The following PHACTR1 variants were observed in gnomAD, a reference collection of about 807,000 sequenced individuals.
PHACTR1 encodes phosphatase and actin regulator 1, also known as RPEL repeat containing 1.
A neutral mutation model predicts 69.2 loss-of-function variants in PHACTR1; 16 were observed. The ratio of observed to expected loss-of-function variants is 0.23; its 90% confidence interval spans 0.16 to 0.35. PHACTR1 has a LOEUF of 0.35. Among genes scored for constraint, PHACTR1 ranks in the 10% least tolerant of loss-of-function variants. The pLI is 1.00. For synonymous variants in PHACTR1, 312 were observed against 284.5 expected, an observed-to-expected ratio of 1.10 and a Z score of -0.97; for missense variants, 510 against 734.7, an observed-to-expected ratio of 0.69 and a Z score of 3.54.
intron 4 of PHACTR1, among the ~76,000 whole-genome samples, chr6:12,905,175 C>T (rs1561997474): frequency 6.6e-6 from 1 of 152,082 alleles, no homozygotes; most frequent in Admixed American, 6.6e-5. Context: ...TAAAGTTTCT[C>T]CAGGGGATTC....
chr6:13,047,916 A>G (rs1235701209), intron 4 of PHACTR1, among the ~76,000 whole-genome samples: 7 of 152,124 alleles, frequency 4.6e-5, no homozygotes, highest in Non-Finnish European at 1.0e-4. Context: ...TGCATGCCCT[A>G]GGAGCCCACC....
intron 4 of PHACTR1, among the ~76,000 whole-genome samples, chr6:12,882,482 A>AAAG (rs542138829): frequency 3.2e-4 from 48 of 152,204 alleles, no homozygotes; most frequent in Non-Finnish European, 5.7e-4. Context: ...AATACAAAAA[A>AAAG]AAGAAGAAGA....
At chr6:12,883,630 T>G (rs1044202412) in intron 4 of PHACTR1, among the ~76,000 whole-genome samples, 1 of 152,032 alleles carries the variant, frequency 6.6e-6, no homozygotes, top group Non-Finnish European at 1.5e-5. Flanking sequence ...TCCTGAGTCC[T>G]GAGTCCTGAG....
intron 10 of PHACTR1, among the ~76,000 whole-genome samples, chr6:13,236,200 G>A (rs999396352): frequency 6.6e-6 from 1 of 152,018 alleles, no homozygotes; most frequent in African/African-American, 2.4e-5. Context: ...GAAGCTCTTG[G>A]AAGCCTGGTC....
chr6:13,181,909 ATAATTT>A (rs1186654316), intron 6 of PHACTR1, among the ~76,000 whole-genome samples: 1 of 152,214 alleles, frequency 6.6e-6, no homozygotes, highest in East Asian at 1.9e-4. Flanking sequence ...TGAGAAAAAA[ATAATTT>A]TAATTTACTT....
chr6:12,717,111 G>A (rs2086814226), intron 1 of PHACTR1, among the ~76,000 whole-genome samples: 1 of 152,042 alleles, frequency 6.6e-6, no homozygotes, highest in African/African-American at 2.4e-5. Context: ...CTAGATGCCG[G>A]TGGCTGTTCT....
At chr6:13,285,566 A>G (rs1337282731) in intron 13 of PHACTR1, among the ~76,000 whole-genome samples, 4 of 152,120 alleles carry the variant, frequency 2.6e-5, no homozygotes, top group Non-Finnish European at 5.9e-5. Flanking sequence ...TGGCAGTATT[A>G]TAAGGATGGG....
At chr6:12,943,137 A>ATGTTT (rs1790228527) in intron 4 of PHACTR1, among the ~76,000 whole-genome samples, 1 of 152,260 alleles carries the variant, frequency 6.6e-6, no homozygotes, top group Non-Finnish European at 1.5e-5. Context: ...CAATGAACAA[A>ATGTTT]GTGTGGACAA....
chr6:13,281,529 C>A, intron 12 of PHACTR1: 2 of 234,736 alleles, frequency 8.5e-6, no homozygotes, highest in Non-Finnish European at 1.8e-5. Context: ...TGAACTCCAG[C>A]CTGGGCAACA....
At chr6:13,089,739 T>C (rs1276019525) in intron 5 of PHACTR1, among the ~76,000 whole-genome samples, 1 of 152,218 alleles carries the variant, frequency 6.6e-6, no homozygotes, top group Non-Finnish European at 1.5e-5. Flanking sequence ...TCACAGCACC[T>C]ATCACTGGAG....
intron 5 of PHACTR1, among the ~76,000 whole-genome samples, chr6:13,149,880 A>T (rs543363916): frequency 8.2e-5 from 12 of 146,654 alleles, no homozygotes; most frequent in Admixed American, 7.5e-4. Flanking sequence ...AGTGTATTTT[A>T]TATGTGGCTC....
At chr6:13,263,694 T>C (rs1373802616) in intron 10 of PHACTR1, among the ~76,000 whole-genome samples, 3 of 152,194 alleles carry the variant, frequency 2.0e-5, no homozygotes, top group African/African-American at 7.2e-5. Context: ...AGATATACAG[T>C]CAGGAATTTT....
intron 7 of PHACTR1, among the ~76,000 whole-genome samples, chr6:13,190,198 A>ATCTTTTTTTTTTTT (rs1763358156): frequency 1.1e-5 from 1 of 87,266 alleles, no homozygotes; most frequent in Non-Finnish European, 2.1e-5. Flanking sequence ...TAATTTTTGT[A>ATCTTTTTTTTTTTT]TTTTTTTTTT....
At chr6:12,749,423 C>T (rs1195393364) in intron 3 of PHACTR1, 1 of 622,248 alleles carries the variant, frequency 1.6e-6, no homozygotes, top group Non-Finnish European at 3.1e-6. Context: ...AGATCCTTAA[C>T]GGATTTTCTT....
chr6:13,074,725 C>G (rs571916240), intron 5 of PHACTR1, among the ~76,000 whole-genome samples: 1 of 152,232 alleles, frequency 6.6e-6, no homozygotes, highest in East Asian at 1.9e-4. Flanking sequence ...AAGCTGGAAA[C>G]AAGGTAAATG....
chr6:12,912,376 C>A (rs1786511274), intron 4 of PHACTR1, among the ~76,000 whole-genome samples: 1 of 152,162 alleles, frequency 6.6e-6, no homozygotes, highest in Non-Finnish European at 1.5e-5. Context: ...ATCAGAGGGC[C>A]TATGTTGGTA....
intron 4 of PHACTR1, among the ~76,000 whole-genome samples, chr6:13,025,083 C>A (rs1015691384): frequency 6.6e-6 from 1 of 151,980 alleles, no homozygotes; most frequent in Non-Finnish European, 1.5e-5. Context: ...TAGTGAGACA[C>A]CATCACTACA....
At chr6:12,927,045 C>T (rs1788348088) in intron 4 of PHACTR1, among the ~76,000 whole-genome samples, 1 of 152,226 alleles carries the variant, frequency 6.6e-6, no homozygotes, top group Non-Finnish European at 1.5e-5. Context: ...CACTTTTCCG[C>T]AAGCAATACA....
At chr6:12,980,691 C>A (rs1795418638) in intron 4 of PHACTR1, among the ~76,000 whole-genome samples, 1 of 152,090 alleles carries the variant, frequency 6.6e-6, no homozygotes, top group African/African-American at 2.4e-5. Flanking sequence ...CTATTTGAGA[C>A]CCCCATGTCC....
Sources: gnomAD v4.1 joint callset for allele counts (sites outside exome capture counted in the v4.1 genomes callset) on GRCh38, gnomAD v4.1.1 for gene constraint, MANE v1.5 for transcripts, NCBI Gene and HGNC (gene_info 2026-07-23, HGNC 2026-07-21) for gene names.